Variants in ADGRL4 observed in about 807,000 individuals in gnomAD.
ADGRL4 encodes EGF, latrophilin and seven transmembrane domain containing 1.
A neutral mutation model predicts 74.8 loss-of-function variants in ADGRL4; 90 were observed. That is an observed-to-expected ratio of 1.20 (90% CI 1.02 to 1.43). The LOEUF is 1.43. Among genes scored for constraint, ADGRL4 ranks in the 40% most tolerant of loss-of-function variants. The pLI, the probability that ADGRL4 is intolerant of heterozygous loss-of-function variation, is 0.00. For missense variants in ADGRL4, 881 were observed against 814.3 expected, an observed-to-expected ratio of 1.08 and a Z score of -1.00; for synonymous variants, 311 against 279.2, an observed-to-expected ratio of 1.11 and a Z score of -1.14.
intron 12 of ADGRL4, among the ~76,000 whole-genome samples, chr1:78,898,835 A>G (rs1470737654): frequency 6.6e-6 from 1 of 152,170 alleles, no homozygotes; most frequent in Non-Finnish European, 1.5e-5. Context: ...AGCTTAGCAC[A>G]TACATTTTGT....
chr1:78,952,360 A>G (rs11807326), intron 2 of ADGRL4, among the ~76,000 whole-genome samples: 2,103 of 117,978 alleles, frequency 0.018, 54 homozygotes, highest in African/African-American at 0.06. Context: ...TTTTTCCCCA[A>G]TGCAGCTGCT....
At chr1:78,961,080 A>G (rs1479712371) in intron 2 of ADGRL4, among the ~76,000 whole-genome samples, 5 of 151,880 alleles carry the variant, frequency 3.3e-5, no homozygotes, top group Non-Finnish European at 7.4e-5. Context: ...TTATGACTCT[A>G]TATACTTCAG....
At chr1:78,914,212 C>T (rs1472613871) in intron 12 of ADGRL4, among the ~76,000 whole-genome samples, 1 of 151,870 alleles carries the variant, frequency 6.6e-6, no homozygotes, top group Non-Finnish European at 1.5e-5. Context: ...AGGTCCTCCA[C>T]CTCAATGAAG....
At chr1:78,903,929 C>A in intron 12 of ADGRL4, among the ~76,000 whole-genome samples, 1 of 139,632 alleles carries the variant, frequency 7.2e-6, no homozygotes, top group South Asian at 2.3e-4. Flanking sequence ...AGCGAGACTC[C>A]ATATAAAATA....
chr1:78,940,154 G>A (rs980984720), intron 3 of ADGRL4, among the ~76,000 whole-genome samples: 25 of 151,974 alleles, frequency 1.6e-4, no homozygotes, highest in Non-Finnish European at 3.7e-4. Flanking sequence ...AAACTTATTT[G>A]TTTTCTAGTA....
chr1:78,984,769 G>T (rs1363937085), intron 2 of ADGRL4, among the ~76,000 whole-genome samples: 1 of 151,668 alleles, frequency 6.6e-6, no homozygotes, highest in Non-Finnish European at 1.5e-5. Context: ...ATTTCTCCTA[G>T]AAATGGAGAA....
chr1:78,916,910 A>C (rs1179687349), intron 12 of ADGRL4, among the ~76,000 whole-genome samples: 1 of 151,868 alleles, frequency 6.6e-6, no homozygotes, highest in Non-Finnish European at 1.5e-5. Flanking sequence ...AGGACTTAGA[A>C]ATGCTCTTCA....
intron 2 of ADGRL4, among the ~76,000 whole-genome samples, chr1:78,983,919 G>A (rs911665364): frequency 1.3e-5 from 2 of 151,746 alleles, no homozygotes; most frequent in Non-Finnish European, 2.9e-5. Flanking sequence ...AAAAGTATCT[G>A]TAAACTCAGA....
At chr1:78,954,832 C>T (rs986403005) in intron 2 of ADGRL4, among the ~76,000 whole-genome samples, 17 of 151,986 alleles carry the variant, frequency 1.1e-4, no homozygotes, top group African/African-American at 2.9e-4. Flanking sequence ...ACTAGACAAA[C>T]GTGCAATAAT....
At chr1:79,004,909 T>C (rs1650927430) in intron 2 of ADGRL4, among the ~76,000 whole-genome samples, 161 bp downstream of exon 2, 1 of 152,218 alleles carries the variant, frequency 6.6e-6, no homozygotes. Flanking sequence ...AATTTTGACA[T>C]GGTAAGTCAA....
At chr1:78,944,927 GGC>G (rs1649563706) in intron 3 of ADGRL4, among the ~76,000 whole-genome samples, 2 of 152,000 alleles carry the variant, frequency 1.3e-5, no homozygotes, top group African/African-American at 4.8e-5. Flanking sequence ...CACTTTGAGA[GGC>G]TGAGGTGGGC....
rs563054128 is a variant in ADGRL4 at position 78,900,192 on chromosome 1, C to T, written c.1750-7003G>A. On this transcript the variant is annotated intron_variant, in intron 12 of 14. Coordinates refer to ENST00000370742, the MANE Select transcript of ADGRL4 (RefSeq NM_022159.4). ...TTGAGTAGGAGCCCCGTCTCACAGC[C>T]AGCAAGGAAATGGGGTCTTAGTCCC... Among the ~76,000 whole-genome samples the T allele has an allele frequency of 2.6e-5, 4 of 152,194 alleles. No individual in the cohort carries two copies. The East Asian group carries it at 7.7e-4, about 29-fold the overall frequency.
At chr1:78,927,611 G>C (rs1235257892) in intron 7 of ADGRL4, among the ~76,000 whole-genome samples, 1 of 152,086 alleles carries the variant, frequency 6.6e-6, no homozygotes, top group East Asian at 1.9e-4. Context: ...ATGCAGTGTC[G>C]GGGTAGAAAA....
intron 2 of ADGRL4, among the ~76,000 whole-genome samples, chr1:78,988,675 C>T (rs1030683720): frequency 2.0e-5 from 3 of 151,818 alleles, no homozygotes; most frequent in African/African-American, 7.2e-5. Context: ...GAACACACAT[C>T]ACTTCTCCTA....
At chr1:78,927,985 T>G (rs1649154899) in intron 7 of ADGRL4, among the ~76,000 whole-genome samples, 1 of 147,236 alleles carries the variant, frequency 6.8e-6, no homozygotes, top group Admixed American at 6.6e-5. Flanking sequence ...ATTGTTGGGC[T>G]AGTGAAATTA....
intron 9 of ADGRL4, among the ~76,000 whole-genome samples, chr1:78,920,819 A>C (rs1648981815): frequency 6.6e-6 from 1 of 151,940 alleles, no homozygotes; most frequent in South Asian, 2.1e-4. Context: ...AGCAATGCAG[A>C]ATATAAGGAT....
chr1:78,909,943 T>C (rs576840653), intron 12 of ADGRL4, among the ~76,000 whole-genome samples: 4 of 151,852 alleles, frequency 2.6e-5, no homozygotes, highest in Non-Finnish European at 5.9e-5. Flanking sequence ...AGTCATAATA[T>C]ACATGATAAA....
Position 78,939,484 on chromosome 1 carries a change from T to A in ADGRL4, c.326-226A>T, listed in dbSNP as rs988310807. On this transcript the variant is annotated intron_variant, in intron 3 of 14. Coordinates refer to ENST00000370742, the MANE Select transcript of ADGRL4 (RefSeq NM_022159.4). ...AGTTCCATAAAATATTATCTACAAT[T>A]TTGATTAAATTAAAAAAAATAGGCT... 7.9e-5 allele frequency among the ~76,000 whole-genome samples: 12 copies of A among 152,186 alleles called. No homozygotes were observed. The East Asian group carries it at 2.3e-3, about 29-fold the overall frequency.
In ADGRL4 at chr1:78,964,024, C is replaced by G. The variant is rs543276367; in HGVS notation, c.173-17598G>C. 7.9e-5 allele frequency among the ~76,000 whole-genome samples: 12 copies of G among 152,260 alleles called. No homozygotes were observed. The South Asian group carries it at 2.3e-3, about 29-fold the overall frequency. ...GCAGTCTTATACCACTGCTTAGGTC[C>G]GCTGAACTGTGTGAAGACGATTTAA... is the stretch of plus-strand genomic sequence containing the variant. On this transcript the variant is annotated intron_variant, in intron 2 of 14. Coordinates refer to ENST00000370742, the MANE Select transcript of ADGRL4 (RefSeq NM_022159.4).
Sources: gnomAD v4.1 joint callset for allele counts (sites outside exome capture counted in the v4.1 genomes callset) on GRCh38, gnomAD v4.1.1 for gene constraint, MANE v1.5 for transcripts, NCBI Gene and HGNC (gene_info 2026-07-23, HGNC 2026-07-21) for gene names.